The following STK3 variants were observed in gnomAD, a reference collection of about 807,000 sequenced individuals.
STK3 encodes the protein serine/threonine-protein kinase 3.
STK3 carries 41 observed loss-of-function variants against 58.0 expected under a neutral mutation model. The observed-to-expected ratio is 0.71, with a 90% CI of 0.55 to 0.92. The LOEUF is 0.92. STK3 is among the 40% of genes least tolerant of loss of function. STK3 has a pLI of 0.00. For missense variants in STK3, 479 were observed against 602.7 expected (o/e 0.79, Z 2.15); for synonymous variants, 170 against 191.0 (o/e 0.89, Z 0.91).
At chr8:98,664,120 T>C (rs1822164683) in intron 6 of STK3, among the ~76,000 whole-genome samples, 1 of 152,232 alleles carries the variant, frequency 6.6e-6, no homozygotes. Context: ...TAAGTCTATA[T>C]TCATTAATGA....
chr8:98,753,764 A>G (rs1830124749), intron 3 of STK3, among the ~76,000 whole-genome samples: 1 of 152,204 alleles, frequency 6.6e-6, no homozygotes, highest in Non-Finnish European at 1.5e-5. Flanking sequence ...TATGTCTTGA[A>G]GTCAAAGGTA....
chr8:98,370,487 A>G (rs1412688600), downstream of STK3, among the ~76,000 whole-genome samples: 1 of 152,030 alleles, frequency 6.6e-6, no homozygotes, highest in Non-Finnish European at 1.5e-5. Context: ...TTATGCCTGA[A>G]AAGCCGAAAT....
intron 1 of STK3, among the ~76,000 whole-genome samples, chr8:98,891,053 T>C (rs932842590): frequency 1.3e-5 from 2 of 152,254 alleles, no homozygotes; most frequent in East Asian, 3.8e-4. Flanking sequence ...AAATGGCTTA[T>C]ACATTGTTGC....
At chr8:98,445,995 T>TC (rs1818930960) in intron 1 of STK3, among the ~76,000 whole-genome samples, 1 of 152,044 alleles carries the variant, frequency 6.6e-6, no homozygotes, top group African/African-American at 2.4e-5. Flanking sequence ...CCATGACCTC[T>TC]CCTAAACTGC....
chr8:98,940,680 G>A (rs1347350198), intron 1 of STK3, among the ~76,000 whole-genome samples: 1 of 152,194 alleles, frequency 6.6e-6, no homozygotes, highest in South Asian at 2.1e-4. Flanking sequence ...CTCCCGCCCG[G>A]ACAAGGTCCC....
intron 1 of STK3, among the ~76,000 whole-genome samples, chr8:98,804,051 G>A (rs1260940894): frequency 1.3e-5 from 2 of 151,936 alleles, no homozygotes; most frequent in African/African-American, 4.8e-5. Context: ...GCCTAGGCTG[G>A]AGTGCAGTGG....
chr8:98,579,076 G>A (rs762543597), intron 8 of STK3, among the ~76,000 whole-genome samples: 5 of 152,050 alleles, frequency 3.3e-5, no homozygotes, highest in African/African-American at 7.2e-5. Flanking sequence ...GCTTGAACCC[G>A]GGAGGTGGAG....
chr8:98,359,699 C>A, the STK3 span, among the ~76,000 whole-genome samples: 2 of 152,178 alleles, frequency 1.3e-5, no homozygotes, highest in Non-Finnish European at 2.9e-5. Flanking sequence ...CCAGGAGGAT[C>A]TTTCTAATCT....
At chr8:98,504,345 T>C (rs1037556311) in intron 10 of STK3, among the ~76,000 whole-genome samples, 2 of 152,226 alleles carry the variant, frequency 1.3e-5, no homozygotes, top group Non-Finnish European at 2.9e-5. Flanking sequence ...CTTTATCCAA[T>C]TTGCTAGTCT....
chr8:98,350,738 T>A, the STK3 span, among the ~76,000 whole-genome samples: 1 of 152,154 alleles, frequency 6.6e-6, no homozygotes, highest in African/African-American at 2.4e-5. Flanking sequence ...AATAATCAGA[T>A]CTTGTGAGAC....
chr8:98,823,535 T>A (rs1835045879), intron 1 of STK3, among the ~76,000 whole-genome samples: 1 of 152,262 alleles, frequency 6.6e-6, no homozygotes, highest in Non-Finnish European at 1.5e-5. Context: ...GACCAAGTTA[T>A]TTAACGTCTT....
chr8:98,718,312 GT>G (rs1827170998), intron 4 of STK3, among the ~76,000 whole-genome samples: 1 of 152,178 alleles, frequency 6.6e-6, no homozygotes, highest in African/African-American at 2.4e-5. Flanking sequence ...GAAGGCTGAA[GT>G]TTAATGCACC....
At chr8:98,742,562 T>G (rs371034212) in intron 4 of STK3, among the ~76,000 whole-genome samples, 13 of 117,094 alleles carry the variant, frequency 1.1e-4, no homozygotes, top group East Asian at 5.6e-4. Context: ...CAATAAATTA[T>G]GTATCGATGG....
the STK3 span, among the ~76,000 whole-genome samples, chr8:98,346,200 G>A: frequency 4.0e-5 from 6 of 151,370 alleles, no homozygotes; most frequent in African/African-American, 1.5e-4. Flanking sequence ...AGGGAGAATT[G>A]CTTGAACCTG....
At chr8:98,824,458 G>GA (rs1835118995) in intron 1 of STK3, among the ~76,000 whole-genome samples, 1 of 152,144 alleles carries the variant, frequency 6.6e-6, no homozygotes, top group Admixed American at 6.5e-5. Context: ...TTCCAGAAAA[G>GA]AAAAAAGTGC....
intron 1 of STK3, among the ~76,000 whole-genome samples, chr8:98,891,809 T>C (rs956515603): frequency 2.6e-5 from 4 of 152,126 alleles, no homozygotes; most frequent in Admixed American, 2.0e-4. Context: ...TGAAACTTCA[T>C]GATGTGAGGG....
chr8:98,885,962 A>G (rs1837972789), intron 1 of STK3, among the ~76,000 whole-genome samples: 1 of 152,224 alleles, frequency 6.6e-6, no homozygotes, highest in African/African-American at 2.4e-5. Flanking sequence ...AATATCAAAT[A>G]CATATTGTAT....
intron 5 of STK3, 84 bp downstream of exon 5, chr8:98,707,063 C>T: frequency 2.2e-6 from 3 of 1,385,324 alleles, no homozygotes; most frequent in Admixed American, 3.0e-5. Flanking sequence ...TTTCCATTCC[C>T]CCTCAAAAAG....
intron 2 of STK3, among the ~76,000 whole-genome samples, chr8:98,770,471 C>A (rs1350636874): frequency 6.6e-6 from 1 of 152,158 alleles, no homozygotes; most frequent in Non-Finnish European, 1.5e-5. Flanking sequence ...CCAGACTCAG[C>A]ATGTTAGCTC....
Sources: gnomAD v4.1 joint callset for allele counts (sites outside exome capture counted in the v4.1 genomes callset) on GRCh38, gnomAD v4.1.1 for gene constraint, MANE v1.5 for transcripts, NCBI Gene and HGNC (gene_info 2026-07-23, HGNC 2026-07-21) for gene names.